Variants in WDR1 observed in about 807,000 individuals in gnomAD.
The protein encoded by WDR1 is WD repeat-containing protein 1.
A neutral mutation model predicts 71.9 loss-of-function variants in WDR1; 21 were observed. The observed-to-expected ratio is 0.29, with a 90% confidence interval of 0.21 to 0.42. WDR1 has a LOEUF of 0.42. Ranked by LOEUF, WDR1 falls within the 10% of genes least tolerant of loss-of-function variation. WDR1 has a pLI of 1.00. For missense variants in WDR1, 696 were observed against 824.5 expected, an observed-to-expected ratio of 0.84 and a Z score of 1.91; for synonymous variants, 424 against 347.4, an observed-to-expected ratio of 1.22 and a Z score of -2.45.
At chr4:10,108,232 C>G (rs1001933128) in intron 2 of WDR1, 1 of 152,172 alleles carries the variant, frequency 6.6e-6, no homozygotes, top group Non-Finnish European at 1.5e-5. Context: ...CTATGTCCTC[C>G]CAGTCTCAGG....
chr4:10,077,407 G>A lies in WDR1; in HGVS notation c.1611C>T (p.Cys537=), dbSNP rs1020823888. 1.4e-5 allele frequency: 23 copies of A among 1,613,910 alleles called. No homozygotes were observed. Among genetic ancestry groups the A allele is most frequent in the Non-Finnish European group, 1.9e-5 (23 of 1,179,884 alleles). Residue 537 remains cysteine, a synonymous_variant, in exon 14 of 15, where the codon TGC becomes TGT. Coordinates refer to ENST00000499869, the MANE Select transcript of WDR1 (RefSeq NM_017491.5). The part of the protein sequence containing the change: ...VFYGHHAKIV[C]LAWSPDNEHF... ...GTTCATTGTCTGGGGACCAGGCCAGGCAGACGATTTTTGCATGGTGTCCAT... is the reference window on the plus strand; with the variant it reads ...GTTCATTGTCTGGGGACCAGGCCAGACAGACGATTTTTGCATGGTGTCCAT...
chr4:10,094,464 C>T (rs542597996), intron 5 of WDR1, among the ~76,000 whole-genome samples: 3 of 152,214 alleles, frequency 2.0e-5, no homozygotes, highest in African/African-American at 4.8e-5. Context: ...ATCCCAGGAG[C>T]CTGCCTGGCA....
rs547516635 is a variant in WDR1 at position 10,093,006 on chromosome 4, A to G, written c.559-4265T>C. ...TGTATCAACGAGCCCCCCTCCCCAC[A>G]GTCCTCACTCCCTCCCACCAATATG... On this transcript the variant is annotated intron_variant, in intron 5 of 14. Transcript: ENST00000499869. 1.6e-5 allele frequency: 20 copies of G among 1,246,422 alleles called. No individual in the cohort carries two copies. The East Asian group carries it at 6.7e-4, about 42-fold the overall frequency. 77.2% of individuals were successfully genotyped at this position (1,246,422 alleles called of 1,614,324 possible). A position where few individuals can be genotyped will look rare whatever the true frequency, so the allele number is the denominator to read the frequency against.
At chr4:10,114,273 A>C (rs573680380) in intron 2 of WDR1, among the ~76,000 whole-genome samples, 1 of 152,340 alleles carries the variant, frequency 6.6e-6, no homozygotes, top group South Asian at 2.1e-4. Context: ...GGGAAGGGGT[A>C]AGAATACAGA....
intron 7 of WDR1, 134 bp from the exon 8 acceptor site, chr4:10,088,074 G>A (rs1578425213): frequency 2.1e-6 from 2 of 958,774 alleles, no homozygotes; most frequent in Middle Eastern, 3.2e-4. Flanking sequence ...CATGAGTGAG[G>A]CCAAGGACAA....
intron 8 of WDR1, 52 bp from the exon 9 acceptor site, chr4:10,084,582 T>G: frequency 6.5e-7 from 1 of 1,546,222 alleles, no homozygotes; most frequent in South Asian, 1.1e-5. Context: ...TGCCCTGCCC[T>G]CTGCCACCCG....
intron 2 of WDR1, among the ~76,000 whole-genome samples, chr4:10,112,288 C>T (rs776901838): frequency 6.6e-6 from 1 of 152,086 alleles, no homozygotes; most frequent in East Asian, 1.9e-4. Context: ...AAGGAGGTAC[C>T]AGCACCTGCA....
chr4:10,111,314 C>A (rs560477489), intron 2 of WDR1, among the ~76,000 whole-genome samples: 6 of 152,198 alleles, frequency 3.9e-5, no homozygotes, highest in Admixed American at 2.6e-4. Context: ...GCCCTTCGGT[C>A]CTCCCAGATG....
At chr4:10,080,451 C>A (rs1014445363) in intron 11 of WDR1, among the ~76,000 whole-genome samples, 2 of 152,248 alleles carry the variant, frequency 1.3e-5, no homozygotes, top group Non-Finnish European at 2.9e-5. Context: ...CCCACCCCCA[C>A]TGGCTGTCCA....
At chr4:10,096,342 T>C (rs1426347111) in intron 5 of WDR1, 1 of 152,274 alleles carries the variant, frequency 6.6e-6, no homozygotes, top group Non-Finnish European at 1.5e-5. Flanking sequence ...CTGCAGTGCC[T>C]CCACCCTAGC....
chr4:10,083,867 G>A (rs1765107746), intron 9 of WDR1, among the ~76,000 whole-genome samples: 1 of 152,168 alleles, frequency 6.6e-6, no homozygotes, highest in South Asian at 2.1e-4. Context: ...CCCAGACAAG[G>A]ACTTATAAGG....
intron 14 of WDR1, 174 bp from the exon 15 acceptor site, chr4:10,075,658 C>A (rs143797462): frequency 1.9e-5 from 12 of 641,160 alleles, no homozygotes; most frequent in African/African-American, 1.6e-4. Context: ...GAATTCTCCA[C>A]GTGACACTCC....
intron 8 of WDR1, 118 bp downstream of exon 8, chr4:10,087,589 C>T: frequency 4.1e-6 from 4 of 983,312 alleles, no homozygotes; most frequent in Non-Finnish European, 5.9e-6. Context: ...GCCAAGGAGG[C>T]CTGAGGACAC....
Position 10,098,154 on chromosome 4 carries a change from C to G in WDR1, c.378-263G>C, listed in dbSNP as rs1034795639. Among the ~76,000 whole-genome samples, 4 of 152,288 alleles carry G rather than the reference C, an allele frequency of 2.6e-5. No homozygotes were observed. In the East Asian group the frequency reaches 5.8e-4, roughly 22 times the overall value. ...GCATGTGTGTGTCTGTGGGGCCCCACGCCACAGGGCCCAGGGCTATCTTTA... is the reference window on the plus strand; with the variant it reads ...GCATGTGTGTGTCTGTGGGGCCCCAGGCCACAGGGCCCAGGGCTATCTTTA... On this transcript the variant is annotated intron_variant, in intron 4 of 14. Transcript: ENST00000499869.
In WDR1 at chr4:10,088,380, A is replaced by G. The variant is rs1711733926; in HGVS notation, c.637-7T>C. ...TCCCGTCATAGATGTATATCTTCCA[A>G]GAAATAAAAACATGTGGGTCATGTG... On this transcript the variant is annotated splice_region_variant and splice_polypyrimidine_tract_variant and intron_variant, in intron 6 of 14. Coordinates refer to ENST00000499869, the MANE Select transcript of WDR1 (RefSeq NM_017491.5). 6.4e-7 allele frequency: 1 copy of G among 1,554,060 alleles called. No individual in the cohort carries two copies.
At chr4:10,098,022 C>T (rs948671389) in intron 4 of WDR1, 131 bp from the exon 5 acceptor site, 25 of 930,992 alleles carry the variant, frequency 2.7e-5, no homozygotes, top group African/African-American at 2.5e-4. Context: ...CAGCTCAGAA[C>T]GCCACAGGGA....
At position 10,097,697 on chromosome 4, in the gene WDR1, G is replaced by A. The variant is rs1486907509; in HGVS notation, c.558+14C>T. The A allele has an allele frequency of 1.0e-5, 16 of 1,602,412 alleles. No individual in the cohort carries two copies. The highest frequency in any genetic ancestry group is 1.4e-5 in the Non-Finnish European group (16 of 1,171,558). On this transcript the variant is annotated intron_variant, in intron 5 of 14. Coordinates refer to ENST00000499869, the MANE Select transcript of WDR1 (RefSeq NM_017491.5). ...ACAAACCACAAATTTCACCCAAAAA[G>A]TAAGTTCACTTACGCCAATTGTGAA...
intron 5 of WDR1, chr4:10,092,907 G>C (rs774689550): frequency 2.6e-5 from 13 of 494,272 alleles, no homozygotes; most frequent in Non-Finnish European, 4.0e-5. Flanking sequence ...CTCATCCCTG[G>C]TGGACAACTG....
At chr4:10,112,724 G>GT (rs1713460397) in intron 2 of WDR1, among the ~76,000 whole-genome samples, 1 of 152,250 alleles carries the variant, frequency 6.6e-6, no homozygotes, top group Non-Finnish European at 1.5e-5. Context: ...TTCTCATGCA[G>GT]TAAGACCTCA....
Sources: allele counts gnomAD v4.1 joint callset (sites outside exome capture counted in the v4.1 genomes callset), GRCh38; gene constraint gnomAD v4.1.1; transcripts MANE v1.5; gene names NCBI Gene and HGNC (gene_info 2026-07-23, HGNC 2026-07-21).